The following ROCK2 variants were observed in gnomAD, a reference collection of about 807,000 sequenced individuals.
ROCK2 encodes the protein rho-associated protein kinase 2.
A neutral mutation model predicts 195.1 loss-of-function variants in ROCK2; 61 were observed. The observed-to-expected ratio is 0.31, with a 90% CI of 0.25 to 0.39. The LOEUF is 0.39. Among genes scored for constraint, ROCK2 ranks in the 10% least tolerant of loss-of-function variants. The probability of loss-of-function intolerance (pLI) is 1.00; values close to 1 mark genes in which losing one functional copy is unlikely to be tolerated. For synonymous variants in ROCK2, 504 were observed against 545.5 expected, an observed-to-expected ratio of 0.92 and a Z score of 1.06; for missense variants, 1,109 against 1,637.4, an observed-to-expected ratio of 0.68 and a Z score of 5.57.
chr2:11,332,342 T>G (rs933460774), intron 1 of ROCK2, among the ~76,000 whole-genome samples: 2 of 152,158 alleles, frequency 1.3e-5, no homozygotes, highest in Non-Finnish European at 2.9e-5. Context: ...TGTATTCTAT[T>G]TTTGGAATTC....
At chr2:11,238,512 T>G (rs887975112) in intron 4 of ROCK2, among the ~76,000 whole-genome samples, 1 of 152,098 alleles carries the variant, frequency 6.6e-6, no homozygotes, top group Non-Finnish European at 1.5e-5. Flanking sequence ...CAGGAGGACT[T>G]ACATTTCCCA....
At chr2:11,251,491 A>G (rs1337977127) in intron 3 of ROCK2, among the ~76,000 whole-genome samples, 1 of 152,190 alleles carries the variant, frequency 6.6e-6, no homozygotes, top group Non-Finnish European at 1.5e-5. Context: ...CAAGGGCTAT[A>G]TAGATAGTAA....
intron 1 of ROCK2, among the ~76,000 whole-genome samples, chr2:11,330,247 T>G (rs909888403): frequency 1.3e-5 from 2 of 152,198 alleles, no homozygotes; most frequent in Non-Finnish European, 2.9e-5. Context: ...AAACAATATT[T>G]CAAAAGATAA....
In ROCK2 at chr2:11,219,038, G is replaced by C; in HGVS notation, c.1260-12C>G. ...AGTCACTTAATAATCTACATGGAAG[G>C]GGGGAGAAAATAAATTTTTTCATTT... On this transcript the variant is annotated splice_polypyrimidine_tract_variant and intron_variant, in intron 9 of 32. Coordinates refer to ENST00000315872, the MANE Select transcript of ROCK2 (RefSeq NM_004850.5). The C allele has an allele frequency of 7.2e-7, 1 of 1,393,228 alleles. No homozygotes were observed. Among genetic ancestry groups the C allele is most frequent in the Non-Finnish European group, 9.8e-7 (1 of 1,021,204 alleles). The allele number at this position is 1,393,228 out of a possible 1,614,324, so 86.3% of individuals were successfully genotyped here.
At chr2:11,224,579 T>G in intron 6 of ROCK2, 119 bp from the exon 7 acceptor site, 1 of 848,870 alleles carries the variant, frequency 1.2e-6, no homozygotes, top group Non-Finnish European at 1.9e-6. Context: ...ACAAATATTC[T>G]ACGGGCACAG....
intron 3 of ROCK2, among the ~76,000 whole-genome samples, chr2:11,277,559 A>G (rs371651074): frequency 3.3e-5 from 5 of 152,180 alleles, no homozygotes; most frequent in African/African-American, 9.7e-5. Context: ...TGGCTCCCAC[A>G]TATCAGTGAG....
chr2:11,298,185 A>G (rs764678942), intron 1 of ROCK2, among the ~76,000 whole-genome samples: 43 of 152,302 alleles, frequency 2.8e-4, no homozygotes, highest in Middle Eastern at 3.4e-3. Context: ...ACATAAAAAT[A>G]GCACAGGAGG....
At position 11,344,625 on chromosome 2, in the gene ROCK2, G is replaced by T. The variant is rs1171292022; in HGVS notation, c.-489C>A. On this transcript the variant is annotated 5_prime_UTR_variant, in exon 1 of 33. Transcript: ENST00000315872. This position sits in a 1 kb window ranked among gnomAD's most constrained non-coding sequence, Gnocchi z 5.4. ...GCTCCCGGCGCACACACTCCCGCGCGGCCGCCCGTCTCCGGCCGCGCGCCG... is the reference window on the plus strand; with the variant it reads ...GCTCCCGGCGCACACACTCCCGCGCTGCCGCCCGTCTCCGGCCGCGCGCCG... The T allele has an allele frequency of 4.9e-6, 1 of 204,912 alleles. No individual in the cohort carries two copies. The highest frequency in any genetic ancestry group is 8.3e-6 in the Non-Finnish European group (1 of 120,996). The allele number at this position is 204,912 out of a possible 1,614,324, so 12.7% of individuals were successfully genotyped here.
chr2:11,222,274 T>G, intron 7 of ROCK2, 100 bp from the exon 8 acceptor site: 1 of 654,126 alleles, frequency 1.5e-6, no homozygotes, highest in Non-Finnish European at 2.6e-6. Context: ...TCAAGTAAAT[T>G]TGAGATATTT....
rs1572364340 is a variant in ROCK2 at position 11,287,568 on chromosome 2, T to C, written c.223+87A>G. 1.0e-5 allele frequency: 4 copies of C among 397,016 alleles called. No homozygotes were observed. In the Admixed American group the frequency reaches 1.8e-4, roughly 18 times the overall value. 24.6% of individuals were successfully genotyped at this position (397,016 alleles called of 1,614,324 possible). ...TTAATAAATAAGTTGATTAAATTAATAAATTTATAGGCTGATAATAACCAA... is the reference window on the plus strand; with the variant it reads ...TTAATAAATAAGTTGATTAAATTAACAAATTTATAGGCTGATAATAACCAA... On this transcript the variant is annotated intron_variant, in intron 2 of 32. Transcript: ENST00000315872.
Position 11,215,373 on chromosome 2 carries a change from C to CT in ROCK2, c.1636dup (p.Arg546LysfsTer10). The CT allele has an allele frequency of 6.2e-7, 1 of 1,607,630 alleles. No homozygotes were observed. The highest frequency in any genetic ancestry group is 1.1e-5 in the South Asian group (1 of 89,622). On this transcript the variant is annotated frameshift_variant, in exon 15 of 33. Coordinates refer to ENST00000315872, the MANE Select transcript of ROCK2 (RefSeq NM_004850.5). LOFTEE classifies it high-confidence loss of function. ...AGTGGATATTTGAGAGTTTTGATTT[C>CT]TTTTTTTCAAATCTTCAAGTTGATC...
intron 3 of ROCK2, among the ~76,000 whole-genome samples, chr2:11,256,382 G>A (rs1475455141): frequency 6.6e-6 from 1 of 151,022 alleles, no homozygotes; most frequent in Non-Finnish European, 1.5e-5. Context: ...TTCCTTCTCT[G>A]GCCACGTAAG....
intron 17 of ROCK2, among the ~76,000 whole-genome samples, chr2:11,212,733 A>C (rs756170867): frequency 3.3e-5 from 5 of 151,990 alleles, no homozygotes; most frequent in Non-Finnish European, 7.4e-5. Flanking sequence ...TAATCCACCA[A>C]CAGAGTAATC....
At chr2:11,339,525 T>C (rs894045866) in intron 1 of ROCK2, among the ~76,000 whole-genome samples, 23 of 106,110 alleles carry the variant, frequency 2.2e-4, no homozygotes, top group Middle Eastern at 9.3e-3. Flanking sequence ...ACACTTTCCA[T>C]AACAGAAAAA....
chr2:11,290,327 A>T (rs1667321620), intron 1 of ROCK2, among the ~76,000 whole-genome samples: 1 of 152,122 alleles, frequency 6.6e-6, no homozygotes, highest in African/African-American at 2.4e-5. Flanking sequence ...AACCAGACAC[A>T]GTGGCACACC....
At chr2:11,292,938 C>G (rs370040889) in intron 1 of ROCK2, among the ~76,000 whole-genome samples, 2 of 152,100 alleles carry the variant, frequency 1.3e-5, no homozygotes, top group East Asian at 1.9e-4. Flanking sequence ...AGCACCTCCC[C>G]CTTCTCCCTC....
intron 17 of ROCK2, among the ~76,000 whole-genome samples, chr2:11,212,730 C>T (rs1179051639): frequency 1.3e-5 from 2 of 151,892 alleles, no homozygotes; most frequent in African/African-American, 4.8e-5. Context: ...ACATAATCCA[C>T]CAACAGAGTA....
chr2:11,197,876 C>G lies in ROCK2; in HGVS notation c.3100-171G>C, dbSNP rs1257145306. 6.6e-6 allele frequency among the ~76,000 whole-genome samples: 1 copy of G among 152,186 alleles called. No homozygotes were observed. On this transcript the variant is annotated intron_variant, in intron 25 of 32. Transcript: ENST00000315872. The surrounding 1 kb of genome is among the most constrained non-coding windows in gnomAD (Gnocchi z 4.9). ...ATATTTAAATAATACACCTCCTTTA[C>G]TACTCATCATCCTTCTCCATCCAAT... is the stretch of plus-strand genomic sequence containing the variant.
intron 9 of ROCK2, among the ~76,000 whole-genome samples, chr2:11,220,128 C>T (rs1307167495): frequency 6.6e-6 from 1 of 152,218 alleles, no homozygotes; most frequent in Non-Finnish European, 1.5e-5. Flanking sequence ...AGCGATTCTC[C>T]TGCCTCAACC....
Sources: allele counts gnomAD v4.1 joint callset (sites outside exome capture counted in the v4.1 genomes callset), GRCh38; gene constraint gnomAD v4.1.1; non-coding constraint Gnocchi (gnomAD v3.1); transcripts MANE v1.5; gene names NCBI Gene and HGNC (gene_info 2026-07-23, HGNC 2026-07-21).